The following NKAIN3 variants were observed in gnomAD, a reference collection of about 807,000 sequenced individuals.
NKAIN3 encodes the protein sodium/potassium transporting ATPase interacting 3.
In NKAIN3, 25 loss-of-function variants were observed where a neutral mutation model predicts 30.2. The ratio of observed to expected loss-of-function variants is 0.83; its 90% confidence interval spans 0.60 to 1.16. NKAIN3 has a LOEUF of 1.16. NKAIN3 is among the 50% of genes most tolerant of loss of function. The probability of loss-of-function intolerance (pLI) is 0.00; values close to 1 mark genes in which losing one functional copy is unlikely to be tolerated. For missense variants in NKAIN3, 225 were observed against 254.1 expected (o/e 0.89, Z 0.78); for synonymous variants, 91 against 89.6 (o/e 1.02, Z -0.09).
chr8:62,627,004 G>A (rs1811809147), intron 3 of NKAIN3, among the ~76,000 whole-genome samples: 1 of 152,126 alleles, frequency 6.6e-6, no homozygotes, highest in African/African-American at 2.4e-5. Context: ...ATGGTGCACT[G>A]GTAGCCAGAG....
chr8:62,502,172 C>T (rs956495142), intron 1 of NKAIN3, among the ~76,000 whole-genome samples: 15 of 152,178 alleles, frequency 9.9e-5, no homozygotes, highest in South Asian at 6.2e-4. Context: ...CTCTCTACTG[C>T]GTTCTTGTAC....
intron 4 of NKAIN3, among the ~76,000 whole-genome samples, chr8:62,772,585 T>A (rs1031736779): frequency 2.6e-5 from 4 of 152,188 alleles, no homozygotes; most frequent in African/African-American, 9.7e-5. Flanking sequence ...CGTTCAGTGA[T>A]GTTGAGCATC....
At chr8:62,295,994 A>C (rs1417927011) in intron 1 of NKAIN3, among the ~76,000 whole-genome samples, 1 of 152,224 alleles carries the variant, frequency 6.6e-6, no homozygotes, top group East Asian at 1.9e-4. Context: ...AAATAAAGCT[A>C]GTCCATATTT....
At chr8:62,859,536 C>T (rs1049115009) in intron 4 of NKAIN3, among the ~76,000 whole-genome samples, 52 of 41,718 alleles carry the variant, frequency 1.2e-3, no homozygotes, top group African/African-American at 2.7e-3. Flanking sequence ...ATGGAAGTAG[C>T]CTAGTTACAT....
At chr8:62,623,174 T>C (rs1000944529) in intron 3 of NKAIN3, among the ~76,000 whole-genome samples, 1 of 152,066 alleles carries the variant, frequency 6.6e-6, no homozygotes, top group Non-Finnish European at 1.5e-5. Context: ...ATTTCTTTGG[T>C]GAGTTCTCCA....
At chr8:62,588,140 A>C (rs1013785195) in intron 2 of NKAIN3, among the ~76,000 whole-genome samples, 1 of 151,654 alleles carries the variant, frequency 6.6e-6, no homozygotes, top group Non-Finnish European at 1.5e-5. Context: ...CTCTCATTTC[A>C]ATATACTTAT....
chr8:62,252,697 A>T (rs547047523), intron 1 of NKAIN3, among the ~76,000 whole-genome samples: 161 of 152,310 alleles, frequency 1.1e-3, no homozygotes, highest in African/African-American at 3.8e-3. Context: ...TAAAGAAGTG[A>T]TTCATTACTG....
chr8:62,358,910 G>A (rs187580040), intron 1 of NKAIN3, among the ~76,000 whole-genome samples: 209 of 152,228 alleles, frequency 1.4e-3, no homozygotes, highest in Non-Finnish European at 2.5e-3. Context: ...GGCCGGGCGC[G>A]GTGGCTCACG....
At chr8:62,732,238 G>A (rs1815491967) in intron 3 of NKAIN3, among the ~76,000 whole-genome samples, 1 of 151,870 alleles carries the variant, frequency 6.6e-6, no homozygotes, top group African/African-American at 2.4e-5. Flanking sequence ...ATTATTTATT[G>A]TATCTAGTTT....
At chr8:62,335,619 T>C (rs562964811) in intron 1 of NKAIN3, among the ~76,000 whole-genome samples, 2 of 151,936 alleles carry the variant, frequency 1.3e-5, no homozygotes, top group African/African-American at 2.4e-5. Flanking sequence ...CCCCACAACA[T>C]ATAATGGTCA....
Position 62,965,556 on chromosome 8 carries a change from G to C in NKAIN3, c.*149G>C. 1.0e-6 allele frequency: 1 copy of C among 981,516 alleles called. No individual in the cohort carries two copies. The highest frequency in any genetic ancestry group is 1.2e-6 in the Non-Finnish European group (1 of 829,316). 60.8% of individuals were successfully genotyped at this position (981,516 alleles called of 1,614,324 possible). On this transcript the variant is annotated 3_prime_UTR_variant, in exon 7 of 7. Coordinates refer to ENST00000623646, the MANE Select transcript of NKAIN3 (RefSeq NM_001304533.3). ...ATTATTAGCATTGTTCTCTAGATGA[G>C]TTCTAGGTGCTTGGGTGGGTATTTT...
chr8:62,988,177 C>T (rs896099334), downstream of NKAIN3, among the ~76,000 whole-genome samples: 1 of 152,222 alleles, frequency 6.6e-6, no homozygotes, highest in Non-Finnish European at 1.5e-5. Flanking sequence ...AGGGTACAAC[C>T]TCCTTCCCAG....
At chr8:62,798,998 G>T (rs1817965818) in intron 4 of NKAIN3, among the ~76,000 whole-genome samples, 1 of 152,142 alleles carries the variant, frequency 6.6e-6, no homozygotes, top group Non-Finnish European at 1.5e-5. Context: ...GGACCAAGGT[G>T]TCCATCAAAG....
chr8:62,495,822 A>G (rs1807221033), intron 1 of NKAIN3, among the ~76,000 whole-genome samples: 1 of 152,046 alleles, frequency 6.6e-6, no homozygotes, highest in South Asian at 2.1e-4. Context: ...GGGTTAGGTA[A>G]CTTTCCCAAA....
intron 6 of NKAIN3, among the ~76,000 whole-genome samples, chr8:62,955,461 T>C (rs1823394768): frequency 6.6e-6 from 1 of 152,110 alleles, no homozygotes; most frequent in Admixed American, 6.5e-5. Context: ...CAATGCCTAG[T>C]GGTGACTTAA....
intron 1 of NKAIN3, among the ~76,000 whole-genome samples, chr8:62,374,899 T>A (rs1817028151): frequency 6.6e-6 from 1 of 152,194 alleles, no homozygotes; most frequent in East Asian, 1.9e-4. Flanking sequence ...AACTAAATCC[T>A]GTATGCACAT....
At chr8:62,290,798 A>G (rs937417560) in intron 1 of NKAIN3, among the ~76,000 whole-genome samples, 4 of 152,090 alleles carry the variant, frequency 2.6e-5, no homozygotes, top group African/African-American at 9.7e-5. Flanking sequence ...GATTGGAATA[A>G]TTTCAGAAAG....
At chr8:62,560,950 T>C (rs1809557117) in intron 1 of NKAIN3, among the ~76,000 whole-genome samples, 1 of 152,210 alleles carries the variant, frequency 6.6e-6, no homozygotes, top group Admixed American at 6.5e-5. Context: ...CTCCCATTTC[T>C]TAGCTGAGAC....
chr8:62,516,475 C>G (rs1807987384), intron 1 of NKAIN3, among the ~76,000 whole-genome samples: 1 of 151,986 alleles, frequency 6.6e-6, no homozygotes, highest in Non-Finnish European at 1.5e-5. Flanking sequence ...TGCTTTTGTT[C>G]TTTGTCAAAA....
Sources: allele counts gnomAD v4.1 joint callset (sites outside exome capture counted in the v4.1 genomes callset), GRCh38; gene constraint gnomAD v4.1.1; transcripts MANE v1.5; gene names NCBI Gene and HGNC (gene_info 2026-07-23, HGNC 2026-07-21).